The following CNOT10 variants were observed in gnomAD, a reference collection of about 807,000 sequenced individuals.
CNOT10 encodes the protein CCR4-NOT transcription complex, subunit 10.
Under a neutral mutation model 94.6 loss-of-function variants are expected in CNOT10, and 30 were observed. The ratio of observed to expected loss-of-function variants is 0.32; its 90% CI spans 0.24 to 0.43. The LOEUF is 0.43. Among genes scored for constraint, CNOT10 ranks in the 20% least tolerant of loss-of-function variants. The pLI, the probability that CNOT10 is intolerant of heterozygous loss-of-function variation, is 1.00. For missense variants in CNOT10, 759 were observed against 877.2 expected (o/e 0.87, Z 1.70); for synonymous variants, 289 against 301.6 (o/e 0.96, Z 0.43).
intron 1 of CNOT10, among the ~76,000 whole-genome samples, chr3:32,692,946 G>A (rs544937500): frequency 6.6e-6 from 1 of 152,224 alleles, no homozygotes; most frequent in African/African-American, 2.4e-5. Context: ...TTGGGAGGCT[G>A]AGGTAGGAGG....
intron 12 of CNOT10, among the ~76,000 whole-genome samples, chr3:32,736,421 C>T (rs528960495): frequency 3.3e-5 from 5 of 152,232 alleles, no homozygotes; most frequent in African/African-American, 1.2e-4. Flanking sequence ...CATCGTTAAA[C>T]TTACATCTCC....
chr3:32,767,994 C>T (rs1700724528), intron 17 of CNOT10, among the ~76,000 whole-genome samples: 1 of 152,118 alleles, frequency 6.6e-6, no homozygotes, highest in Non-Finnish European at 1.5e-5. Flanking sequence ...GTTTTGGTCC[C>T]TTGGTTTTTA....
chr3:32,733,472 A>T lies in CNOT10; in HGVS notation c.1265A>T (p.Gln422Leu). The T allele has an allele frequency of 1.9e-6, 3 of 1,602,952 alleles. No homozygotes were observed. The highest frequency in any genetic ancestry group is 2.6e-6 in the Non-Finnish European group (3 of 1,171,682). Reference sequence around the variant, plus strand: ...CTTCCCAGCAAAAAAGGAATTGTACAGTCTATTGTTGGTCAAGGCTATCAT... The same window carrying T: ...CTTCCCAGCAAAAAAGGAATTGTACTGTCTATTGTTGGTCAAGGCTATCAT... ...KGLPSKKGIV[Q>L]SIVGQGYHRK... The change falls in exon 11 of 19, where the codon CAG becomes CTG. Residue 422 changes from glutamine to leucine, a missense_variant. Around this residue, in one of 3 missense-constraint regions of CNOT10, gnomAD observed 682 missense variants for 799.4 expected, o/e 0.85. Transcript: ENST00000328834.
intron 13 of CNOT10, among the ~76,000 whole-genome samples, chr3:32,738,948 A>G (rs1432683331): frequency 6.9e-6 from 1 of 145,130 alleles, no homozygotes; most frequent in Middle Eastern, 3.4e-3. Flanking sequence ...TCTCTGTCCC[A>G]GGGTGGAGTG....
At chr3:32,715,912 C>G (rs1698097275) in intron 5 of CNOT10, 1 of 196,524 alleles carries the variant, frequency 5.1e-6, no homozygotes, top group Non-Finnish European at 1.0e-5. Context: ...CTCAGGCAGT[C>G]TTCCCACCTC....
chr3:32,693,715 T>C (rs1225869655), intron 1 of CNOT10, among the ~76,000 whole-genome samples: 4 of 151,962 alleles, frequency 2.6e-5, no homozygotes, highest in African/African-American at 9.7e-5. Context: ...CTAACTTTTG[T>C]ATTTTTTGTA....
At chr3:32,762,905 A>G (rs772928298) in intron 15 of CNOT10, 42 bp downstream of exon 15, 4 of 1,462,712 alleles carry the variant, frequency 2.7e-6, no homozygotes, top group South Asian at 1.5e-5. Flanking sequence ...CACTGTTTCC[A>G]TTTCCCTCCT....
At chr3:32,763,705 C>T (rs6550159) in intron 15 of CNOT10, among the ~76,000 whole-genome samples, 150,215 of 152,318 alleles carry the variant, frequency 0.99, 74,108 homozygotes, top group East Asian at 1. Context: ...TTACTCAAGA[C>T]TAGTGCTCAG....
chr3:32,729,666 CTT>C (rs1698844157), intron 10 of CNOT10, among the ~76,000 whole-genome samples: 1 of 150,292 alleles, frequency 6.7e-6, no homozygotes, highest in Admixed American at 6.6e-5. Context: ...CTTTGAAAGA[CTT>C]TAATGATTTA....
At chr3:32,736,053 CTTTTCTTTTG>C (rs1257851706) in intron 12 of CNOT10, among the ~76,000 whole-genome samples, 1 of 151,754 alleles carries the variant, frequency 6.6e-6, no homozygotes, top group Non-Finnish European at 1.5e-5. Context: ...TTCTTTCTTT[CTTTTCTTTTG>C]TTTTCTTTTT....
chr3:32,773,810 A>G lies in CNOT10; in HGVS notation c.*199A>G. ...TCAGCTGTTTTTCTTAATTTCAGCCAGACTATTAATTTTGAGCCATTATGT... is the reference window on the plus strand; with the variant it reads ...TCAGCTGTTTTTCTTAATTTCAGCCGGACTATTAATTTTGAGCCATTATGT... On this transcript the variant is annotated 3_prime_UTR_variant, in exon 19 of 19. Coordinates refer to ENST00000328834, the MANE Select transcript of CNOT10 (RefSeq NM_015442.3). 1 of 518,630 alleles carries G rather than the reference A, an allele frequency of 1.9e-6. No homozygotes were observed. Among genetic ancestry groups the G allele is most frequent in the East Asian group, 3.2e-5 (1 of 31,384 alleles). The allele number at this position is 518,630 out of a possible 1,614,324, so 32.1% of individuals were successfully genotyped here.
Position 32,712,995 on chromosome 3 carries a change from G to A in CNOT10, c.431-232G>A, listed in dbSNP as rs77164206. On this transcript the variant is annotated intron_variant, in intron 4 of 18. Coordinates refer to ENST00000328834, the MANE Select transcript of CNOT10 (RefSeq NM_015442.3). ...TAGTGTTTAGTAGATATTTTCCTAA[G>A]GAAGATTTAATCACTGGAATTTCTG... Among the ~76,000 whole-genome samples, 146 of 152,296 alleles carry A rather than the reference G, an allele frequency of 9.6e-4. 4 individuals are homozygous for A. The East Asian group carries it at 0.026, about 27-fold the overall frequency.
intron 8 of CNOT10, among the ~76,000 whole-genome samples, chr3:32,722,013 T>C (rs959262813): frequency 6.6e-6 from 1 of 152,188 alleles, no homozygotes; most frequent in Admixed American, 6.5e-5. Flanking sequence ...ATACTAATGA[T>C]AATATGAAAG....
intron 3 of CNOT10, 93 bp from the exon 4 acceptor site, chr3:32,708,577 T>A: frequency 9.8e-7 from 1 of 1,018,938 alleles, no homozygotes; most frequent in South Asian, 1.5e-5. Flanking sequence ...ATAAGAATGT[T>A]GGCCTATGTT....
At chr3:32,712,237 A>G (rs1050518074) in intron 4 of CNOT10, among the ~76,000 whole-genome samples, 1 of 151,622 alleles carries the variant, frequency 6.6e-6, no homozygotes, top group African/African-American at 2.4e-5. Flanking sequence ...TTTTAGTTAG[A>G]AGGAACCTCA....
chr3:32,700,798 C>A, intron 1 of CNOT10, among the ~76,000 whole-genome samples: 1 of 152,130 alleles, frequency 6.6e-6, no homozygotes, highest in Non-Finnish European at 1.5e-5. Flanking sequence ...ATGTTTGCAG[C>A]CCATGACATC....
At chr3:32,752,277 G>A (rs1357456780) in intron 13 of CNOT10, among the ~76,000 whole-genome samples, 1 of 150,642 alleles carries the variant, frequency 6.6e-6, no homozygotes, top group Non-Finnish European at 1.5e-5. Context: ...CAACAAGAGC[G>A]AAACTCCGTC....
chr3:32,756,222 T>C (rs2125624648), intron 13 of CNOT10, among the ~76,000 whole-genome samples: 1 of 152,306 alleles, frequency 6.6e-6, no homozygotes, highest in South Asian at 2.1e-4. Flanking sequence ...CAATGAAACT[T>C]GCTTAATCCT....
chr3:32,734,903 C>G lies in CNOT10; in HGVS notation c.1441C>G (p.Gln481Glu). The change falls in exon 12 of 19, where the codon CAG becomes GAG. Residue 481 changes from glutamine to glutamate, a missense_variant. Gln to Glu is a conservative substitution (Grantham distance 29). This residue lies in a region of CNOT10 where 682 missense variants were observed against 799.4 expected (regional missense o/e 0.85). Coordinates refer to ENST00000328834, the MANE Select transcript of CNOT10 (RefSeq NM_015442.3). Reference sequence around the variant, plus strand: ...ACCTGAAGAACAGCAAGATCCAAAGCAGGAAAATGGGGCTAAAAATAGTAA... The same window carrying G: ...ACCTGAAGAACAGCAAGATCCAAAGGAGGAAAATGGGGCTAAAAATAGTAA... ...LLPEEQQDPK[Q>E]ENGAKNSNQL... 1 of 1,614,028 alleles carries G rather than the reference C, an allele frequency of 6.2e-7. No individual in the cohort carries two copies.
Sources: allele counts gnomAD v4.1 joint callset (sites outside exome capture counted in the v4.1 genomes callset), GRCh38; gene constraint gnomAD v4.1.1; regional missense constraint gnomAD v4.1.1; transcripts MANE v1.5; gene names NCBI Gene and HGNC (gene_info 2026-07-23, HGNC 2026-07-21).